Variants in TNIK observed in about 807,000 individuals in gnomAD.
The protein encoded by TNIK is TRAF2 and NCK-interacting protein kinase.
In TNIK, 49 loss-of-function variants were observed where a neutral mutation model predicts 191.3. The ratio of observed to expected loss-of-function variants is 0.26; its 90% confidence interval spans 0.20 to 0.32. The LOEUF is 0.32. Ranked by LOEUF, TNIK falls within the 10% of genes least tolerant of loss-of-function variation. The pLI, the probability that TNIK is intolerant of heterozygous loss-of-function variation, is 1.00. For synonymous variants in TNIK, 594 were observed against 600.9 expected (o/e 0.99, Z 0.17); for missense variants, 1,155 against 1,702.3 (o/e 0.68, Z 5.66).
chr3:171,268,237 T>C (rs1342746042), intron 2 of TNIK, among the ~76,000 whole-genome samples: 3 of 152,032 alleles, frequency 2.0e-5, no homozygotes, highest in Non-Finnish European at 1.5e-5. Flanking sequence ...CGTGTGTGTC[T>C]TTATGTTGCC....
intron 2 of TNIK, among the ~76,000 whole-genome samples, chr3:171,260,566 A>G (rs369201317): frequency 1.3e-5 from 2 of 152,162 alleles, no homozygotes; most frequent in African/African-American, 4.8e-5. Flanking sequence ...GGCTCCCATA[A>G]TTAATAGCAT....
rs796755829 is a variant in TNIK at position 171,366,192 on chromosome 3, G to A, written c.123+3428C>T. 7.2e-4 allele frequency among the ~76,000 whole-genome samples: 109 copies of A among 152,282 alleles called. 2 individuals are homozygous for A. Among genetic ancestry groups the A allele is most frequent in the African/African-American group, 2.5e-3 (105 of 41,552 alleles). On this transcript the variant is annotated intron_variant, in intron 2 of 32. Coordinates refer to ENST00000436636, the MANE Select transcript of TNIK (RefSeq NM_015028.4). This position sits in a 1 kb window ranked among gnomAD's most constrained non-coding sequence, Gnocchi z 4.1. Reference sequence around the variant, plus strand: ...TTTAATGCAGCCATGAACAGAAGGAGATGGTTTCCTCATTAAAAGTCCTGA... The same window carrying A: ...TTTAATGCAGCCATGAACAGAAGGAAATGGTTTCCTCATTAAAAGTCCTGA...
chr3:171,145,667 C>A (rs973382653), intron 12 of TNIK, among the ~76,000 whole-genome samples: 1 of 152,000 alleles, frequency 6.6e-6, no homozygotes, highest in Non-Finnish European at 1.5e-5. Context: ...TGTTTAAATT[C>A]TTTGCAGAGA....
At chr3:171,103,539 A>G (rs767532686) in intron 21 of TNIK, among the ~76,000 whole-genome samples, 5 of 152,188 alleles carry the variant, frequency 3.3e-5, no homozygotes, top group Non-Finnish European at 7.4e-5. Flanking sequence ...AGGCTATGAA[A>G]GAAAAGGATA....
At position 171,306,347 on chromosome 3, in the gene TNIK, G is replaced by A. The variant is rs147792403; in HGVS notation, c.123+63273C>T. Among the ~76,000 whole-genome samples the A allele has an allele frequency of 9.5e-3, 1,439 of 152,230 alleles. 27 individuals carry two copies. Among genetic ancestry groups the A allele is most frequent in the African/African-American group, 0.033 (1,379 of 41,558 alleles). On this transcript the variant is annotated intron_variant, in intron 2 of 32. Transcript: ENST00000436636. ...TTACCTATGTAACAAACCTGCACGTGTACCCCTGAAGCTAAAGTAAAAGTT... is the reference window on the plus strand; with the variant it reads ...TTACCTATGTAACAAACCTGCACGTATACCCCTGAAGCTAAAGTAAAAGTT...
intron 1 of TNIK, among the ~76,000 whole-genome samples, chr3:171,379,120 GTC>G (rs1717660811): frequency 6.6e-6 from 1 of 152,080 alleles, no homozygotes; most frequent in African/African-American, 2.4e-5. Flanking sequence ...CAGTTTGACA[GTC>G]CATTTAGTAG....
intron 18 of TNIK, among the ~76,000 whole-genome samples, chr3:171,112,454 C>T (rs531399590): frequency 9.3e-4 from 140 of 150,442 alleles, no homozygotes; most frequent in Middle Eastern, 3.4e-3. Flanking sequence ...TTCTTACAAA[C>T]ATTTTTTTCT....
chr3:171,313,803 T>C (rs991248032), intron 2 of TNIK, among the ~76,000 whole-genome samples: 9 of 152,138 alleles, frequency 5.9e-5, no homozygotes, highest in Non-Finnish European at 2.9e-5. Flanking sequence ...AATGCAGTTA[T>C]AGTGCTAAAT....
At chr3:171,360,659 T>G (rs1714836856) in intron 2 of TNIK, among the ~76,000 whole-genome samples, 4 of 152,224 alleles carry the variant, frequency 2.6e-5, no homozygotes, top group Admixed American at 2.6e-4. Context: ...CACCTCAGGT[T>G]ATTGACCCTG....
At chr3:171,324,913 A>T (rs922302118) in intron 2 of TNIK, among the ~76,000 whole-genome samples, 1 of 151,850 alleles carries the variant, frequency 6.6e-6, no homozygotes. Flanking sequence ...CCTGGCTAAC[A>T]TGGTGAAACC....
chr3:171,432,083 T>C (rs1725453062), intron 1 of TNIK, among the ~76,000 whole-genome samples: 1 of 152,080 alleles, frequency 6.6e-6, no homozygotes, highest in African/African-American at 2.4e-5. Flanking sequence ...GAAGATGGCC[T>C]CCTTAAGACA....
chr3:171,447,703 G>A lies in TNIK; in HGVS notation c.57+12304C>T, dbSNP rs145350247. 3.3e-4 allele frequency among the ~76,000 whole-genome samples: 50 copies of A among 152,308 alleles called. No individual in the cohort carries two copies. The East Asian group carries it at 9.4e-3, about 29-fold the overall frequency. On this transcript the variant is annotated intron_variant, in intron 1 of 32. Coordinates refer to ENST00000436636, the MANE Select transcript of TNIK (RefSeq NM_015028.4). ...CAATCTGGCAATATCTAGAGCCTTA[G>A]AGATCATTCATACACTTTCATTCTA...
chr3:171,090,498 C>A (rs1384175326), intron 23 of TNIK, among the ~76,000 whole-genome samples: 1 of 148,170 alleles, frequency 6.7e-6, no homozygotes, highest in Non-Finnish European at 1.5e-5. Context: ...AAAGAGCCTT[C>A]ATGATGACAA....
Position 171,128,896 on chromosome 3 carries a change from A to G in TNIK, c.1609-18T>C, listed in dbSNP as rs1728868338. 6.6e-7 allele frequency: 1 copy of G among 1,512,800 alleles called. No homozygotes were observed. Among genetic ancestry groups the G allele is most frequent in the South Asian group, 1.3e-5 (1 of 77,410 alleles). 93.7% of individuals were successfully genotyped at this position (1,512,800 alleles called of 1,614,324 possible). A position where few individuals can be genotyped will look rare whatever the true frequency, so the allele number is the denominator to read the frequency against. ...TCTTCTACCTACAACCCAAAAAAAA[A>G]AAAAAAAAAAAGACAGCCTCAATGT... On this transcript the variant is annotated intron_variant, in intron 15 of 32. Coordinates refer to ENST00000436636, the MANE Select transcript of TNIK (RefSeq NM_015028.4).
intron 2 of TNIK, among the ~76,000 whole-genome samples, chr3:171,292,760 A>G (rs1751823738): frequency 7.0e-6 from 1 of 143,046 alleles, no homozygotes; most frequent in Admixed American, 7.2e-5. Flanking sequence ...TGGGCAACAG[A>G]GCAAGACTCC....
intron 2 of TNIK, among the ~76,000 whole-genome samples, chr3:171,344,759 A>T (rs962371578): frequency 6.6e-6 from 1 of 152,092 alleles, no homozygotes; most frequent in Non-Finnish European, 1.5e-5. Context: ...CTCCTGCTTG[A>T]AACGATCCCC....
At chr3:171,167,358 T>C in intron 9 of TNIK, 88 bp from the exon 10 acceptor site, 8 of 1,502,690 alleles carry the variant, frequency 5.3e-6, no homozygotes, top group Non-Finnish European at 7.1e-6. Flanking sequence ...GGACTTTTTC[T>C]TTTTTTAAGG....
chr3:171,163,854 AT>A (rs11303475), intron 10 of TNIK, among the ~76,000 whole-genome samples: 14,145 of 152,246 alleles, frequency 0.093, 924 homozygotes, highest in African/African-American at 0.18. Flanking sequence ...ACTGGGTTAA[AT>A]TTGGCATGTG....
At chr3:171,375,100 G>C (rs1005288201) in intron 1 of TNIK, among the ~76,000 whole-genome samples, 1 of 152,140 alleles carries the variant, frequency 6.6e-6, no homozygotes, top group African/African-American at 2.4e-5. Flanking sequence ...TTTCAGAACT[G>C]CATTGAACCT....
Sources: gnomAD v4.1 joint callset for allele counts (sites outside exome capture counted in the v4.1 genomes callset) on GRCh38, gnomAD v4.1.1 for gene constraint, Gnocchi (gnomAD v3.1) non-coding constraint, MANE v1.5 for transcripts, NCBI Gene and HGNC (gene_info 2026-07-23, HGNC 2026-07-21) for gene names.